The following FASTKD1 variants were observed in gnomAD, a reference collection of about 807,000 sequenced individuals.
The protein encoded by FASTKD1 is FAST kinase domain-containing protein 1, mitochondrial.
In FASTKD1, 94 loss-of-function variants were observed where a neutral mutation model predicts 90.9. That is an observed-to-expected ratio of 1.03 (90% CI 0.88 to 1.23). FASTKD1 has a LOEUF of 1.23. Among genes scored for constraint, FASTKD1 ranks in the 50% most tolerant of loss-of-function variants. The pLI is 0.00. For missense variants in FASTKD1, 945 were observed against 993.5 expected (o/e 0.95, Z 0.66); for synonymous variants, 319 against 345.8 (o/e 0.92, Z 0.86).
chr2:169,556,066 A>G (rs1038188459), intron 6 of FASTKD1, among the ~76,000 whole-genome samples: 2 of 152,194 alleles, frequency 1.3e-5, no homozygotes, highest in Admixed American at 1.3e-4. Flanking sequence ...AAAGAAAAAA[A>G]TAAAAGGAGG....
intron 12 of FASTKD1, among the ~76,000 whole-genome samples, chr2:169,536,676 T>G (rs1165995634): frequency 6.6e-6 from 1 of 152,184 alleles, no homozygotes; most frequent in Non-Finnish European, 1.5e-5. Context: ...CTTTGAAAAT[T>G]TTATATTGCC....
intron 9 of FASTKD1, 88 bp downstream of exon 9, chr2:169,544,633 C>T (rs1184219215): frequency 1.6e-5 from 12 of 749,594 alleles, no homozygotes; most frequent in South Asian, 6.2e-5. Context: ...ATTATGGTTA[C>T]CCTTTAAATG....
chr2:169,546,428 C>G lies in FASTKD1; in HGVS notation c.1491G>C (p.Leu497Phe). The G allele has an allele frequency of 2.5e-6, 4 of 1,614,146 alleles. No individual in the cohort carries two copies. Among genetic ancestry groups the G allele is most frequent in the Non-Finnish European group, 3.4e-6 (4 of 1,180,020 alleles). The change falls in exon 8 of 15, where the codon TTG (leucine) becomes TTC (phenylalanine). Residue 497 changes from leucine (L) to phenylalanine (F), a missense_variant. Transcript: ENST00000453153. ...ATTTAAGTTCCTTCCGTAACAGATC[C>G]AAACTGTTGCTGTGTTGTAGTCTCT... ...GRQRLQHSNS[L>F]DLLRKELKSL...
intron 10 of FASTKD1, among the ~76,000 whole-genome samples, chr2:169,538,826 A>T (rs1254118395): frequency 1.3e-5 from 2 of 152,154 alleles, no homozygotes; most frequent in Non-Finnish European, 2.9e-5. Flanking sequence ...GACAAATTTT[A>T]TTATATCCAT....
intron 3 of FASTKD1, 56 bp from the exon 4 acceptor site, chr2:169,563,406 A>G (rs1683801905): frequency 1.1e-5 from 14 of 1,272,918 alleles, no homozygotes; most frequent in Non-Finnish European, 1.5e-5. Context: ...CTTAAAACAC[A>G]TAATATATAG....
Position 169,529,574 on chromosome 2 carries a change from A to G in FASTKD1, c.*251T>C, listed in dbSNP as rs1411985702. On this transcript the variant is annotated 3_prime_UTR_variant, in exon 15 of 15. Transcript: ENST00000453153. Reference sequence around the variant, plus strand: ...TCATTCCTTACTTGAAAAGCCCCCAATGGCTTCTCATCTCGCTCAGAGTAG... The same window carrying G: ...TCATTCCTTACTTGAAAAGCCCCCAGTGGCTTCTCATCTCGCTCAGAGTAG... 2.0e-5 allele frequency among the ~76,000 whole-genome samples: 3 copies of G among 152,068 alleles called. No homozygotes were observed. Among genetic ancestry groups the G allele is most frequent in the Non-Finnish European group, 4.4e-5 (3 of 67,998 alleles).
At chr2:169,531,726 A>G (rs1684501713) in intron 12 of FASTKD1, 1 of 423,166 alleles carries the variant, frequency 2.4e-6, no homozygotes, top group East Asian at 3.9e-5. Flanking sequence ...AATATTAAGT[A>G]CTAGGCTACA....
Position 169,531,371 on chromosome 2 carries a change from G to C in FASTKD1, c.2308C>G (p.Leu770Val). The C allele has an allele frequency of 6.2e-7, 1 of 1,613,570 alleles. No homozygotes were observed. ...ESNIEIVGSR[L>V]PPGAERIALE... Reference sequence around the variant, plus strand: ...AATTACCTTTCAGCCCCTGGTGGCAGCCTTGATCCAACTATTTCGATATTT... The same window carrying C: ...AATTACCTTTCAGCCCCTGGTGGCACCCTTGATCCAACTATTTCGATATTT... Residue 770 changes from leucine (L) to valine (V), a missense_variant, in exon 13 of 15, where the codon CTG (leucine) becomes GTG (valine). Transcript: ENST00000453153.
Position 169,528,756 on chromosome 2 carries a change from T to C in FASTKD1, c.*1069A>G, listed in dbSNP as rs189955141. On this transcript the variant is annotated 3_prime_UTR_variant, in exon 15 of 15. Coordinates refer to ENST00000453153, the MANE Select transcript of FASTKD1 (RefSeq NM_024622.6). ...TTCATGTTGCTAAATTTAATAGCCA[T>C]TTCCCATTTGTCATCTTTCCTGACC... is the stretch of plus-strand genomic sequence containing the variant. Among the ~76,000 whole-genome samples the C allele has an allele frequency of 2.0e-4, 30 of 152,274 alleles. No individual in the cohort carries two copies. The East Asian group carries it at 5.8e-3, about 29-fold the overall frequency.
In FASTKD1 at chr2:169,572,264, T is replaced by C. The variant is rs144200622; in HGVS notation, c.-142-93A>G. 495 of 335,938 alleles carry C rather than the reference T, an allele frequency of 1.5e-3. 2 individuals carry two copies. The highest frequency in any genetic ancestry group is 9.6e-3 in the African/African-American group (452 of 47,208). The allele number at this position is 335,938 out of a possible 1,614,324, so 20.8% of individuals were successfully genotyped here. On this transcript the variant is annotated intron_variant, in intron 1 of 14. Coordinates refer to ENST00000453153, the MANE Select transcript of FASTKD1 (RefSeq NM_024622.6). Reference sequence around the variant, plus strand: ...ATTAAAGTAATACATTTTTTCTGCATTAACTAAAGACTTTTTCTTAGTCTA... The same window carrying C: ...ATTAAAGTAATACATTTTTTCTGCACTAACTAAAGACTTTTTCTTAGTCTA...
At chr2:169,533,712 T>C (rs1402346895) in intron 12 of FASTKD1, among the ~76,000 whole-genome samples, 2 of 152,226 alleles carry the variant, frequency 1.3e-5, no homozygotes, top group African/African-American at 4.8e-5. Context: ...GATTAAATCA[T>C]AGCATACTCA....
rs1381115246 is a variant in FASTKD1, at chr2:169,555,181, G to C, written c.1157C>G (p.Thr386Ser). 1 of 1,612,530 alleles carries C rather than the reference G, an allele frequency of 6.2e-7. No individual in the cohort carries two copies. Among genetic ancestry groups the C allele is most frequent in the Non-Finnish European group, 8.5e-7 (1 of 1,179,110 alleles). The change falls in exon 7 of 15, where the codon ACT (threonine) becomes AGT (serine). Residue 386 changes from threonine (T) to serine (S), a missense_variant. By Grantham distance (58) the Thr-to-Ser change is moderately conservative. Transcript: ENST00000453153. ...LELLKITQELTFLHFQRKEFF... is the reference protein window; with the variant it reads ...LELLKITQELSFLHFQRKEFF... ...CTCCTTCCTTTGGAAATGCAGAAAA[G>C]TTAATTCTTGAGTTATCTTCAACAA...
rs943886604 is a variant in FASTKD1, at chr2:169,547,227, C to T, written c.1215-523G>A. 5.3e-5 allele frequency among the ~76,000 whole-genome samples: 8 copies of T among 152,274 alleles called. No homozygotes were observed. The South Asian group carries it at 1.4e-3, about 28-fold the overall frequency. On this transcript the variant is annotated intron_variant, in intron 7 of 14. Transcript: ENST00000453153. ...TGAAGGGACAGTAGGGTGAGGTATG[C>T]GGGAAGGGGTGCAGAGCTTCCATGC...
intron 7 of FASTKD1, among the ~76,000 whole-genome samples, chr2:169,552,862 T>A (rs76216336): frequency 0.075 from 11,415 of 152,138 alleles, 564 homozygotes; most frequent in South Asian, 0.21. Flanking sequence ...AATTCATCCA[T>A]GTAACAAAAA....
In FASTKD1 at chr2:169,560,316, C is replaced by T; in HGVS notation, c.971+71G>A. On this transcript the variant is annotated intron_variant, in intron 5 of 14. Coordinates refer to ENST00000453153, the MANE Select transcript of FASTKD1 (RefSeq NM_024622.6). The stretch of plus-strand genomic sequence containing the variant: ...GTGATATTTGTACCTTCCAGAGCTG[C>T]AAGGAGACCTAAGCTTGAAGGCTCC... The T allele has an allele frequency of 1.1e-5, 14 of 1,247,860 alleles. No individual in the cohort carries two copies. In the South Asian group the frequency reaches 2.0e-4, roughly 18 times the overall value. The allele number at this position is 1,247,860 out of a possible 1,614,324, so 77.3% of individuals were successfully genotyped here.
At chr2:169,541,148 A>C (rs1199655013) in intron 9 of FASTKD1, among the ~76,000 whole-genome samples, 1 of 152,250 alleles carries the variant, frequency 6.6e-6, no homozygotes, top group Non-Finnish European at 1.5e-5. Flanking sequence ...TAATCTGTCA[A>C]AATTCGTCTT....
At chr2:169,533,306 T>A (rs1209640472) in intron 12 of FASTKD1, among the ~76,000 whole-genome samples, 3 of 152,166 alleles carry the variant, frequency 2.0e-5, no homozygotes, top group Non-Finnish European at 4.4e-5. Context: ...ATGTCTGTGA[T>A]TTGAAAAGAA....
chr2:169,529,889 G>C lies in FASTKD1; in HGVS notation c.2480C>G (p.Thr827Arg), dbSNP rs745486087. ...QFEWNSMALSTKDARMDYLRE... is the reference protein window; with the variant it reads ...QFEWNSMALSRKDARMDYLRE... The stretch of plus-strand genomic sequence containing the variant: ...CAGGTAGTCCATCCGAGCATCCTTT[G>C]TTGACAGTGCCATAGAGTTCCATTC... The change falls in exon 15 of 15, where the codon ACA becomes AGA. Residue 827 changes from threonine to arginine, a missense_variant. Thr to Arg is a moderately conservative substitution (Grantham distance 71). Coordinates refer to ENST00000453153, the MANE Select transcript of FASTKD1 (RefSeq NM_024622.6). 9 of 1,613,464 alleles carry C rather than the reference G, an allele frequency of 5.6e-6. No homozygotes were observed. Among genetic ancestry groups the C allele is most frequent in the Non-Finnish European group, 7.6e-6 (9 of 1,179,702 alleles).
intron 4 of FASTKD1, 56 bp from the exon 5 acceptor site, chr2:169,560,841 T>A: frequency 2.1e-4 from 95 of 454,444 alleles, no homozygotes; most frequent in Non-Finnish European, 2.6e-4. Context: ...GATCAATTCT[T>A]TTTTTTTTTT....
Sources: gnomAD v4.1 joint callset for allele counts (sites outside exome capture counted in the v4.1 genomes callset) on GRCh38, gnomAD v4.1.1 for gene constraint, MANE v1.5 for transcripts, NCBI Gene and HGNC (gene_info 2026-07-23, HGNC 2026-07-21) for gene names.